ATRNL1: variants seen among roughly 807,000 people sequenced by gnomAD.
ATRNL1 encodes the protein attractin like 1, also known as attractin-like protein 1.
In ATRNL1, 95 loss-of-function variants were observed where a neutral mutation model predicts 182.7. That is an observed-to-expected ratio of 0.52 (90% confidence interval 0.44 to 0.62). The LOEUF (loss-of-function observed/expected upper bound fraction) is 0.62. Ranked by LOEUF, ATRNL1 falls within the 20% of genes least tolerant of loss-of-function variation. The probability of loss-of-function intolerance (pLI) is 0.00; values close to 1 mark genes in which losing one functional copy is unlikely to be tolerated. For synonymous variants in ATRNL1, 576 were observed against 568.3 expected (o/e 1.01, Z -0.19); for missense variants, 1,471 against 1,679.5 (o/e 0.88, Z 2.17).
intron 20 of ATRNL1, among the ~76,000 whole-genome samples, chr10:115,405,284 T>C (rs1844763171): frequency 6.6e-6 from 1 of 152,168 alleles, no homozygotes; most frequent in Non-Finnish European, 1.5e-5. Context: ...GGTATATGTG[T>C]AGGTGTTTTA....
chr10:115,788,098 AC>A (rs1949439570), intron 27 of ATRNL1, among the ~76,000 whole-genome samples: 1 of 152,228 alleles, frequency 6.6e-6, no homozygotes, highest in Non-Finnish European at 1.5e-5. Context: ...TATGAGATAC[AC>A]CATACTCCTA....
At chr10:115,845,794 G>A (rs571989839) in intron 27 of ATRNL1, among the ~76,000 whole-genome samples, 2 of 151,748 alleles carry the variant, frequency 1.3e-5, no homozygotes, top group Admixed American at 6.6e-5. Flanking sequence ...CTTGCCCGTT[G>A]GTAGAAATGA....
intron 19 of ATRNL1, among the ~76,000 whole-genome samples, chr10:115,357,533 T>TA (rs1220883693): frequency 6.6e-6 from 1 of 151,774 alleles, no homozygotes; most frequent in Admixed American, 6.6e-5. Context: ...ATAAACACAT[T>TA]AAAATCCTCC....
rs782174667 is a variant in ATRNL1 at position 115,123,072 on chromosome 10, G to A, written c.491+1260G>A. On this transcript the variant is annotated intron_variant, in intron 3 of 28. Transcript: ENST00000355044. ...ACTTTGTATTAATACTCATCCATTAGCATTCTTACCAACATTTTCTTGTTA... is the reference window on the plus strand; with the variant it reads ...ACTTTGTATTAATACTCATCCATTAACATTCTTACCAACATTTTCTTGTTA... Among the ~76,000 whole-genome samples the A allele has an allele frequency of 2.8e-4, 43 of 152,134 alleles. 2 individuals are homozygous for A. The highest frequency in any genetic ancestry group is 3.4e-3 in the Middle Eastern group (1 of 294).
chr10:115,788,496 C>T (rs535770213), intron 27 of ATRNL1, among the ~76,000 whole-genome samples: 1 of 152,134 alleles, frequency 6.6e-6, no homozygotes, highest in Non-Finnish European at 1.5e-5. Context: ...GTATAAGTAA[C>T]TGTTCTCTCA....
At chr10:115,195,222 CTGT>C (rs1564811532) in intron 8 of ATRNL1, among the ~76,000 whole-genome samples, 2 of 151,816 alleles carry the variant, frequency 1.3e-5, no homozygotes, top group Non-Finnish European at 2.9e-5. Flanking sequence ...AGATGATTTC[CTGT>C]TGTTTGTTAA....
At chr10:115,135,508 A>G (rs142571011) in intron 5 of ATRNL1, among the ~76,000 whole-genome samples, 1 of 152,248 alleles carries the variant, frequency 6.6e-6, no homozygotes, top group Non-Finnish European at 1.5e-5. Flanking sequence ...AAGGAGGACT[A>G]CAAACCACTG....
intron 28 of ATRNL1, among the ~76,000 whole-genome samples, chr10:115,865,387 T>C (rs1555104504): frequency 6.6e-6 from 1 of 152,174 alleles, no homozygotes; most frequent in East Asian, 1.9e-4. Flanking sequence ...ATAGAAGTAT[T>C]TTGTCAGGAC....
chr10:115,824,393 A>G (rs1173806741), intron 27 of ATRNL1, among the ~76,000 whole-genome samples: 1 of 152,206 alleles, frequency 6.6e-6, no homozygotes, highest in Admixed American at 6.5e-5. Flanking sequence ...CTAAAACACC[A>G]AAAGCAATGG....
At chr10:115,535,456 C>T (rs1458590628) in intron 25 of ATRNL1, among the ~76,000 whole-genome samples, 4 of 150,026 alleles carry the variant, frequency 2.7e-5, no homozygotes, top group Admixed American at 1.3e-4. Flanking sequence ...TTTTCAGCTC[C>T]ATCAGCTCCT....
Position 115,315,672 on chromosome 10 carries a change from G to A in ATRNL1, c.2973G>A (p.Met991Ile). Residue 991 changes from methionine (M) to isoleucine (I), a missense_variant, in exon 18 of 29, where the codon ATG becomes ATA. By Grantham distance (10) the Met-to-Ile change is conservative. This residue lies in a region of ATRNL1 where 437 missense variants were observed against 506.0 expected (regional missense o/e 0.86). Transcript: ENST00000355044. Reference sequence around the variant, plus strand: ...TTATTGGAATGCACCACAGTGAGATGGTTCTTGACACCAATCTTTGCCCCA... The same window carrying A: ...TTATTGGAATGCACCACAGTGAGATAGTTCTTGACACCAATCTTTGCCCCA... ...MKLIGMHHSE[M>I]VLDTNLCPKE... 1 of 1,613,816 alleles carries A rather than the reference G, an allele frequency of 6.2e-7. No homozygotes were observed. Among genetic ancestry groups the A allele is most frequent in the Non-Finnish European group, 8.5e-7 (1 of 1,179,908 alleles).
intron 28 of ATRNL1, among the ~76,000 whole-genome samples, chr10:115,883,599 A>G (rs924508516): frequency 6.6e-6 from 1 of 152,274 alleles, no homozygotes; most frequent in Non-Finnish European, 1.5e-5. Context: ...TCCTGTGTGC[A>G]TAAGGTTGAG....
intron 13 of ATRNL1, among the ~76,000 whole-genome samples, chr10:115,268,648 G>T (rs1851707751): frequency 6.6e-6 from 1 of 152,084 alleles, no homozygotes; most frequent in African/African-American, 2.4e-5. Context: ...ATTCCATTTT[G>T]GATCCATCAA....
At chr10:115,311,571 G>T (rs1854029737) in intron 17 of ATRNL1, among the ~76,000 whole-genome samples, 1 of 150,234 alleles carries the variant, frequency 6.7e-6, no homozygotes, top group South Asian at 2.1e-4. Flanking sequence ...GTGCTGATGA[G>T]AAGAATGCAT....
chr10:115,872,992 T>C (rs782170692), intron 28 of ATRNL1, among the ~76,000 whole-genome samples: 1 of 152,240 alleles, frequency 6.6e-6, no homozygotes, highest in Non-Finnish European at 1.5e-5. Flanking sequence ...TTTAAGAAGA[T>C]CTTTCCGATC....
intron 5 of ATRNL1, among the ~76,000 whole-genome samples, chr10:115,153,833 T>C (rs778329539): frequency 2.6e-4 from 40 of 152,286 alleles, no homozygotes; most frequent in African/African-American, 6.3e-4. Context: ...TTAGATCTTT[T>C]CTGCTTTCTG....
At chr10:115,577,610 T>TTGTA (rs1640609056) in intron 26 of ATRNL1, among the ~76,000 whole-genome samples, 2 of 135,018 alleles carry the variant, frequency 1.5e-5, no homozygotes, top group African/African-American at 5.4e-5. Context: ...TTCTAACAGG[T>TTGTA]TGTGTGTGTG....
At chr10:115,429,188 T>C (rs927999972) in intron 21 of ATRNL1, among the ~76,000 whole-genome samples, 5 of 152,132 alleles carry the variant, frequency 3.3e-5, no homozygotes, top group African/African-American at 1.2e-4. Flanking sequence ...CTGTTTTAAA[T>C]TGTATTTTTC....
At chr10:115,239,443 A>T (rs1031107022) in intron 9 of ATRNL1, among the ~76,000 whole-genome samples, 28 of 152,050 alleles carry the variant, frequency 1.8e-4, no homozygotes, top group Admixed American at 3.9e-4. Context: ...CATGTTGGCA[A>T]GCCTAGTCTG....
Sources: allele counts gnomAD v4.1 joint callset (sites outside exome capture counted in the v4.1 genomes callset), GRCh38; gene constraint gnomAD v4.1.1; regional missense constraint gnomAD v4.1.1; transcripts MANE v1.5; gene names NCBI Gene and HGNC (gene_info 2026-07-23, HGNC 2026-07-21).